The following MAP3K7CL variants were observed in gnomAD, a reference collection of about 807,000 sequenced individuals.
MAP3K7CL encodes MAP3K7 C-terminal-like protein.
In MAP3K7CL, 16 loss-of-function variants were observed where a neutral mutation model predicts 18.6. The ratio of observed to expected loss-of-function variants is 0.86; its 90% CI spans 0.58 to 1.31. MAP3K7CL has a LOEUF of 1.31. Ranked by LOEUF, MAP3K7CL falls within the 50% of genes most tolerant of loss-of-function variation. The pLI is 0.00. For missense variants in MAP3K7CL, 163 were observed against 174.4 expected (o/e 0.93, Z 0.37); for synonymous variants, 65 against 66.8 (o/e 0.97, Z 0.13).
chr21:29,169,990 C>G (rs917931270), intron 4 of MAP3K7CL, among the ~76,000 whole-genome samples: 1 of 152,106 alleles, frequency 6.6e-6, no homozygotes, highest in African/African-American at 2.4e-5. Flanking sequence ...GTCTTCTACC[C>G]CCATATTACA....
intron 3 of MAP3K7CL, among the ~76,000 whole-genome samples, chr21:29,151,302 CA>C (rs1324061839): frequency 6.6e-6 from 1 of 151,344 alleles, no homozygotes; most frequent in East Asian, 2.0e-4. Context: ...ACTAAAAATA[CA>C]AAAATTAGCC....
intron 4 of MAP3K7CL, among the ~76,000 whole-genome samples, chr21:29,164,829 C>T (rs554658589): frequency 6.6e-6 from 1 of 152,040 alleles, no homozygotes; most frequent in Admixed American, 6.5e-5. Context: ...ATTCTGATAT[C>T]TTTAAAGAAC....
At chr21:29,092,355 G>A (rs2086043052) in intron 3 of MAP3K7CL, 2 of 1,531,462 alleles carry the variant, frequency 1.3e-6, no homozygotes, top group Admixed American at 3.4e-5. Context: ...TTTCTTCTCA[G>A]GGAAAAAAAG....
At chr21:29,101,554 G>A (rs1242054897) in intron 4 of MAP3K7CL, among the ~76,000 whole-genome samples, 3 of 152,038 alleles carry the variant, frequency 2.0e-5, no homozygotes, top group East Asian at 1.9e-4. Context: ...GACTACAGGC[G>A]CCCGCCACCA....
At chr21:29,158,858 A>G (rs1185237598) in intron 3 of MAP3K7CL, among the ~76,000 whole-genome samples, 2 of 151,562 alleles carry the variant, frequency 1.3e-5, no homozygotes, top group Admixed American at 6.6e-5. Context: ...TTTTTTCTAT[A>G]TATAATTGAA....
At chr21:29,165,122 G>A (rs968914807) in intron 4 of MAP3K7CL, among the ~76,000 whole-genome samples, 1 of 152,026 alleles carries the variant, frequency 6.6e-6, no homozygotes, top group African/African-American at 2.4e-5. Flanking sequence ...ATTTTTAAAA[G>A]TATATTATTA....
At chr21:29,124,887 G>GAGA (rs371922691) in intron 4 of MAP3K7CL, among the ~76,000 whole-genome samples, 5 of 152,304 alleles carry the variant, frequency 3.3e-5, no homozygotes, top group African/African-American at 1.2e-4. Context: ...TAGAACAGCA[G>GAGA]AGATGAGTAA....
At chr21:29,077,574 G>C (rs1409647628), upstream of MAP3K7CL, 1 of 156,692 alleles carries the variant, frequency 6.4e-6, no homozygotes, top group Non-Finnish European at 1.4e-5. Flanking sequence ...CCACAGCGCA[G>C]TGGTGGGCTG....
At chr21:29,135,737 C>G (rs1201926647) in intron 2 of MAP3K7CL, among the ~76,000 whole-genome samples, 3 of 152,152 alleles carry the variant, frequency 2.0e-5, no homozygotes, top group Non-Finnish European at 4.4e-5. Context: ...GTTCCAGTGT[C>G]TTTCTCTTCT....
upstream of MAP3K7CL, among the ~76,000 whole-genome samples, chr21:29,082,550 T>C (rs2085852901): frequency 6.6e-6 from 1 of 152,168 alleles, no homozygotes; most frequent in Non-Finnish European, 1.5e-5. Flanking sequence ...CAGCCTCTAG[T>C]AGGTTACCTG....
In MAP3K7CL at chr21:29,144,290, G is replaced by A. The variant is rs146233012; in HGVS notation, c.71-4899G>A. On this transcript the variant is annotated intron_variant, in intron 2 of 4. Transcript: ENST00000399928. ...AGCGATTCTTCTGTCTCAGCCTCCC[G>A]AGTAGCAGGGACAACAGGCATGTGC... Among the ~76,000 whole-genome samples, 8 of 152,036 alleles carry A rather than the reference G, an allele frequency of 5.3e-5. No homozygotes were observed. In the East Asian group the frequency reaches 1.2e-3, roughly 22 times the overall value.
chr21:29,082,880 A>T (rs1207111942), upstream of MAP3K7CL, among the ~76,000 whole-genome samples: 2 of 152,068 alleles, frequency 1.3e-5, no homozygotes, highest in Non-Finnish European at 2.9e-5. Flanking sequence ...ACCTTGCAGG[A>T]TTCACTAGAA....
At chr21:29,138,581 ATTCT>A (rs546505966) in intron 2 of MAP3K7CL, among the ~76,000 whole-genome samples, 164 of 152,324 alleles carry the variant, frequency 1.1e-3, no homozygotes, top group Non-Finnish European at 1.7e-3. Context: ...TGGCTTTGGA[ATTCT>A]TTCTGTCTTT....
chr21:29,104,960 G>C (rs1568938137), intron 4 of MAP3K7CL, among the ~76,000 whole-genome samples: 2 of 152,096 alleles, frequency 1.3e-5, no homozygotes, highest in African/African-American at 2.4e-5. Context: ...AGAAACTCAG[G>C]GTTCTAATTA....
upstream of MAP3K7CL, among the ~76,000 whole-genome samples, chr21:29,084,011 A>G (rs2085882839): frequency 6.8e-6 from 1 of 147,868 alleles, no homozygotes; most frequent in Non-Finnish European, 1.5e-5. Context: ...ATATGTATAT[A>G]TTTTATGACA....
At chr21:29,161,200 C>T (rs1407014771) in intron 4 of MAP3K7CL, among the ~76,000 whole-genome samples, 1 of 152,168 alleles carries the variant, frequency 6.6e-6, no homozygotes, top group Non-Finnish European at 1.5e-5. Flanking sequence ...ATCCCAGCTA[C>T]TCGGGAGGCT....
At position 29,175,058 on chromosome 21, in the gene MAP3K7CL, A is replaced by G. The variant is rs991933961; in HGVS notation, c.*166A>G. On this transcript the variant is annotated 3_prime_UTR_variant, in exon 5 of 5. Coordinates refer to ENST00000399928, the MANE Select transcript of MAP3K7CL (RefSeq NM_001286620.2). Reference sequence around the variant, plus strand: ...GCTTGCCAGCTTCTAGCTTGAGAGAAGGGATATTTTAAATGAGATCATTAA... The same window carrying G: ...GCTTGCCAGCTTCTAGCTTGAGAGAGGGGATATTTTAAATGAGATCATTAA... 12 of 573,594 alleles carry G rather than the reference A, an allele frequency of 2.1e-5. No individual in the cohort carries two copies. Among genetic ancestry groups the G allele is most frequent in the Non-Finnish European group, 3.5e-5 (12 of 344,012 alleles). 35.5% of individuals were successfully genotyped at this position (573,594 alleles called of 1,614,324 possible). A position where few individuals can be genotyped will look rare whatever the true frequency, so the allele number is the denominator to read the frequency against.
At chr21:29,120,491 T>G (rs191326850) in intron 4 of MAP3K7CL, among the ~76,000 whole-genome samples, 8 of 152,314 alleles carry the variant, frequency 5.3e-5, no homozygotes, top group Admixed American at 3.3e-4. Context: ...AAGGGGCGTT[T>G]TGTGCATTAA....
intron 4 of MAP3K7CL, among the ~76,000 whole-genome samples, chr21:29,096,796 C>A (rs1308025389): frequency 6.6e-6 from 1 of 152,178 alleles, no homozygotes. Context: ...ATCATCCGAT[C>A]TATCTCTTTG....
Sources: allele counts gnomAD v4.1 joint callset (sites outside exome capture counted in the v4.1 genomes callset), GRCh38; gene constraint gnomAD v4.1.1; transcripts MANE v1.5; gene names NCBI Gene and HGNC (gene_info 2026-07-23, HGNC 2026-07-21).